Variants in HTR4 observed in about 807,000 individuals in gnomAD.
The protein encoded by HTR4 is 5-hydroxytryptamine receptor 4, also known as 5-hydroxytryptamine (serotonin) receptor 4, G protein-coupled.
Under a neutral mutation model 36.8 loss-of-function variants are expected in HTR4, and 16 were observed. That is an observed-to-expected ratio of 0.43 (90% CI 0.29 to 0.66). HTR4 has a LOEUF of 0.66. Among genes scored for constraint, HTR4 ranks in the 30% least tolerant of loss-of-function variants. The probability of loss-of-function intolerance (pLI) is 0.13; values close to 1 mark genes in which losing one functional copy is unlikely to be tolerated. For synonymous variants in HTR4, 189 were observed against 185.1 expected (o/e 1.02, Z -0.17); for missense variants, 438 against 490.9 (o/e 0.89, Z 1.02).
At chr5:148,547,556 TA>T (rs1759444051) in intron 4 of HTR4, among the ~76,000 whole-genome samples, 2 of 105,850 alleles carry the variant, frequency 1.9e-5, no homozygotes, top group Non-Finnish European at 1.9e-5. Flanking sequence ...TAAAATAAAA[TA>T]AAATAAAATA....
Position 148,482,430 on chromosome 5 carries a change from A to T in HTR4, c.*773T>A, listed in dbSNP as rs200529858. On this transcript the variant is annotated 3_prime_UTR_variant, in exon 7 of 7. Coordinates refer to ENST00000377888, the MANE Select transcript of HTR4 (RefSeq NM_000870.7). ...CAGGGCAGACACGCCAGCGGCCAGGACACCAGGAGGAAGCTATCTGTCTTC... is the reference window on the plus strand; with the variant it reads ...CAGGGCAGACACGCCAGCGGCCAGGTCACCAGGAGGAAGCTATCTGTCTTC... The T allele has an allele frequency of 2.0e-6, 2 of 985,514 alleles. No individual in the cohort carries two copies. The highest frequency in any genetic ancestry group is 2.4e-6 in the Non-Finnish European group (2 of 830,126). The allele number at this position is 985,514 out of a possible 1,614,324, so 61.0% of individuals were successfully genotyped here.
At chr5:148,623,150 A>G (rs537062068) in intron 2 of HTR4, among the ~76,000 whole-genome samples, 2 of 152,226 alleles carry the variant, frequency 1.3e-5, no homozygotes, top group Non-Finnish European at 2.9e-5. Context: ...AGGAAAAGAC[A>G]GCAGGGAATG....
chr5:148,642,991 C>T lies in HTR4; in HGVS notation c.-47-5930G>A, dbSNP rs78585779. On this transcript the variant is annotated intron_variant, in intron 1 of 6. Coordinates refer to ENST00000377888, the MANE Select transcript of HTR4 (RefSeq NM_000870.7). ...AAAAAAAAAGAAGCCTTTTCACATG[C>T]TGGATCTTATTAGCACTGGTAGTAA... Among the ~76,000 whole-genome samples, 739 of 152,168 alleles carry T rather than the reference C, an allele frequency of 4.9e-3. 6 individuals are homozygous for T. The highest frequency in any genetic ancestry group is 0.04 in the South Asian group (191 of 4,818).
At chr5:148,597,750 A>G (rs186234071) in intron 2 of HTR4, among the ~76,000 whole-genome samples, 1 of 152,296 alleles carries the variant, frequency 6.6e-6, no homozygotes, top group Non-Finnish European at 1.5e-5. Flanking sequence ...CATGTTAAAG[A>G]ATCAATTTCT....
intron 4 of HTR4, among the ~76,000 whole-genome samples, chr5:148,534,099 G>A (rs190242500): frequency 2.6e-5 from 4 of 152,256 alleles, no homozygotes; most frequent in East Asian, 1.9e-4. Flanking sequence ...ATACATTGTC[G>A]CTTAAGCTGC....
At chr5:148,484,144 A>G in intron 6 of HTR4, 2 of 1,140,396 alleles carry the variant, frequency 1.8e-6, no homozygotes, top group Non-Finnish European at 1.2e-6. Flanking sequence ...TTGCAAGCAC[A>G]TAGGAAGATC....
In HTR4 at chr5:148,500,722, A is replaced by G. The variant is rs1344013490; in HGVS notation, c.1076+8734T>C. Among the ~76,000 whole-genome samples the G allele has an allele frequency of 1.1e-4, 16 of 152,176 alleles. 1 individual carries two copies. Among genetic ancestry groups the G allele is most frequent in the Admixed American group, 1.0e-3 (16 of 15,266 alleles). Reference sequence around the variant, plus strand: ...AACACATAAAGATGCACTTTATATAAGAATAAATATAAATAGTATATAACT... The same window carrying G: ...AACACATAAAGATGCACTTTATATAGGAATAAATATAAATAGTATATAACT... On this transcript the variant is annotated intron_variant, in intron 6 of 6. Coordinates refer to ENST00000377888, the MANE Select transcript of HTR4 (RefSeq NM_000870.7).
intron 2 of HTR4, among the ~76,000 whole-genome samples, chr5:148,604,802 G>A (rs748287321): frequency 5.3e-5 from 8 of 152,186 alleles, no homozygotes; most frequent in Non-Finnish European, 1.2e-4. Flanking sequence ...CTGATATATG[G>A]TAATTACCTT....
intron 5 of HTR4, among the ~76,000 whole-genome samples, chr5:148,468,310 A>T (rs1755483140): frequency 6.6e-6 from 1 of 152,206 alleles, no homozygotes; most frequent in Non-Finnish European, 1.5e-5. Flanking sequence ...AAACACCTGG[A>T]TAGCTCCCAG....
chr5:148,485,197 C>T (rs535815837), intron 6 of HTR4, among the ~76,000 whole-genome samples: 1 of 152,318 alleles, frequency 6.6e-6, no homozygotes, highest in South Asian at 2.1e-4. Context: ...ACTGGTGTGC[C>T]AGGCATTGGG....
chr5:148,565,877 C>T (rs1021851308), intron 2 of HTR4, among the ~76,000 whole-genome samples: 15 of 152,124 alleles, frequency 9.9e-5, no homozygotes, highest in Admixed American at 4.6e-4. Context: ...AAAGGAGGCT[C>T]ATTTGGAAAA....
intron 1 of HTR4, among the ~76,000 whole-genome samples, chr5:148,637,452 G>A (rs1054934187): frequency 1.3e-5 from 2 of 151,732 alleles, no homozygotes; most frequent in Non-Finnish European, 1.5e-5. Flanking sequence ...TTCCTATGAG[G>A]ATTTTAAAAA....
At chr5:148,639,401 T>C (rs894731259) in intron 1 of HTR4, among the ~76,000 whole-genome samples, 1 of 151,954 alleles carries the variant, frequency 6.6e-6, no homozygotes, top group Non-Finnish European at 1.5e-5. Flanking sequence ...TTTTGCTGCT[T>C]TCCTGGGCCG....
intron 2 of HTR4, among the ~76,000 whole-genome samples, chr5:148,554,020 A>G (rs1279688114): frequency 5.3e-5 from 8 of 152,270 alleles, no homozygotes; most frequent in Admixed American, 5.2e-4. Flanking sequence ...AATGTGGTAT[A>G]TACATACTAC....
At chr5:148,529,509 C>G (rs1294597110) in intron 4 of HTR4, among the ~76,000 whole-genome samples, 3 of 152,226 alleles carry the variant, frequency 2.0e-5, no homozygotes, top group African/African-American at 7.2e-5. Context: ...TGGCTTTCGC[C>G]TTCTGCCATG....
At chr5:148,603,550 C>T (rs1158276416) in intron 2 of HTR4, among the ~76,000 whole-genome samples, 2 of 151,800 alleles carry the variant, frequency 1.3e-5, no homozygotes, top group East Asian at 1.9e-4. Flanking sequence ...GGTAAGAAAA[C>T]AAAGTACAAA....
chr5:148,523,251 G>C lies in HTR4; in HGVS notation c.449C>G (p.Thr150Arg). The change falls in exon 5 of 7, where the codon ACG (threonine) becomes AGG (arginine). Residue 150 changes from threonine to arginine, a missense_variant. Physicochemically the swap from Thr to Arg is moderately conservative, Grantham distance 71 (BLOSUM62 -1). Transcript: ENST00000377888. ...CATTATAGGGAGAAAAGAAATAAAC[G>C]TGGGGATGACCCAGCAGCCTCCCAG... Reference protein sequence around the residue: ...LMLGGCWVIPTFISFLPIMQG... With the variant: ...LMLGGCWVIPRFISFLPIMQG... 1 of 1,613,484 alleles carries C rather than the reference G, an allele frequency of 6.2e-7. No homozygotes were observed. Among genetic ancestry groups the C allele is most frequent in the Non-Finnish European group, 8.5e-7 (1 of 1,179,672 alleles).
intron 2 of HTR4, among the ~76,000 whole-genome samples, chr5:148,601,091 G>T (rs146262776): frequency 6.7e-6 from 1 of 149,308 alleles, no homozygotes; most frequent in Admixed American, 6.7e-5. Flanking sequence ...CATATGAAAA[G>T]GTGTTCAGCA....
intron 2 of HTR4, among the ~76,000 whole-genome samples, chr5:148,561,266 T>C (rs1044115634): frequency 6.6e-6 from 1 of 151,996 alleles, no homozygotes; most frequent in Non-Finnish European, 1.5e-5. Context: ...CTGTACAGAG[T>C]ATAATGGAGT....
Sources: gnomAD v4.1 joint callset for allele counts (sites outside exome capture counted in the v4.1 genomes callset) on GRCh38, gnomAD v4.1.1 for gene constraint, MANE v1.5 for transcripts, NCBI Gene and HGNC (gene_info 2026-07-23, HGNC 2026-07-21) for gene names.